The following FBRSL1 variants were observed in gnomAD, a reference collection of about 807,000 sequenced individuals.
FBRSL1 encodes the protein fibrosin-1-like protein.
FBRSL1 carries 51 observed loss-of-function variants against 89.6 expected under a neutral mutation model. The ratio of observed to expected loss-of-function variants is 0.57; its 90% CI spans 0.45 to 0.72. The LOEUF is 0.72. FBRSL1 is among the 30% of genes least tolerant of loss of function. The probability of loss-of-function intolerance (pLI) is 0.00; values close to 1 mark genes in which losing one functional copy is unlikely to be tolerated. For synonymous variants in FBRSL1, 779 were observed against 681.1 expected (o/e 1.14, Z -2.24); for missense variants, 1,618 against 1,451.8 (o/e 1.11, Z -1.86).
intron 4 of FBRSL1, among the ~76,000 whole-genome samples, chr12:132,528,350 C>T (rs567291204): frequency 7.0e-4 from 107 of 152,238 alleles, no homozygotes; most frequent in African/African-American, 2.3e-3. Flanking sequence ...GGGCCAAGGC[C>T]GGGCTGCTTC....
At chr12:132,564,580 C>A (rs2137721692) in intron 5 of FBRSL1, among the ~76,000 whole-genome samples, 1 of 143,124 alleles carries the variant, frequency 7.0e-6, no homozygotes, top group Non-Finnish European at 1.5e-5. Context: ...ACTGCAAGCT[C>A]CGCCTCCCGG....
intron 5 of FBRSL1, among the ~76,000 whole-genome samples, chr12:132,564,788 C>T (rs12818635): frequency 7.7e-6 from 1 of 130,646 alleles, no homozygotes; most frequent in Non-Finnish European, 1.6e-5. Context: ...CGCCACCACG[C>T]CCGGCTAATT....
At chr12:132,541,138 G>A (rs578154740) in intron 4 of FBRSL1, among the ~76,000 whole-genome samples, 4 of 151,384 alleles carry the variant, frequency 2.6e-5, no homozygotes, top group South Asian at 4.2e-4. Context: ...GGCATGTCAG[G>A]TGCAAATCCA....
chr12:132,501,546 C>G (rs55634548), intron 1 of FBRSL1, among the ~76,000 whole-genome samples: 2 of 152,192 alleles, frequency 1.3e-5, no homozygotes, highest in Non-Finnish European at 2.9e-5. Flanking sequence ...GGTGCCCTCA[C>G]TGCTGTCATG....
chr12:132,581,091 A>G (rs1593605871), intron 15 of FBRSL1: 3 of 985,474 alleles, frequency 3.0e-6, no homozygotes, highest in African/African-American at 1.7e-5. Context: ...GCTCTGAGAT[A>G]AAGGCTTCAG....
intron 2 of FBRSL1, 96 bp downstream of exon 2, chr12:132,508,446 C>A: frequency 7.4e-7 from 1 of 1,346,104 alleles, no homozygotes; most frequent in Non-Finnish European, 9.8e-7. Context: ...CACGTGGCCC[C>A]CGGGCCTGCC....
chr12:132,578,850 C>T (rs2040557121), intron 15 of FBRSL1, among the ~76,000 whole-genome samples: 1 of 152,260 alleles, frequency 6.6e-6, no homozygotes, highest in Non-Finnish European at 1.5e-5. Flanking sequence ...GCCCAGCAGC[C>T]ACATGAGGCT....
chr12:132,543,318 C>T (rs1277655382), intron 4 of FBRSL1, among the ~76,000 whole-genome samples: 4 of 152,222 alleles, frequency 2.6e-5, no homozygotes, highest in African/African-American at 9.6e-5. Context: ...TGTCCAGTGT[C>T]CACGAAGCAG....
chr12:132,501,292 G>A (rs956458354), intron 1 of FBRSL1, among the ~76,000 whole-genome samples: 1 of 152,214 alleles, frequency 6.6e-6, no homozygotes, highest in Non-Finnish European at 1.5e-5. Context: ...AGCTGGGGCC[G>A]AGCGGCGGCT....
intron 14 of FBRSL1, among the ~76,000 whole-genome samples, chr12:132,575,289 G>A (rs570307730): frequency 5.9e-5 from 9 of 152,294 alleles, no homozygotes; most frequent in African/African-American, 1.7e-4. Context: ...GTGCAGTGGC[G>A]CGATCTCGGC....
intron 2 of FBRSL1, chr12:132,510,854 A>T (rs2034250630): frequency 4.8e-6 from 5 of 1,051,858 alleles, no homozygotes; most frequent in Non-Finnish European, 4.6e-6. Flanking sequence ...GTGCCTCTGA[A>T]TTGCCAATAC....
In FBRSL1 at chr12:132,543,043, G is replaced by A. The variant is rs1222113810; in HGVS notation, c.616-4960G>A. Among the ~76,000 whole-genome samples the A allele has an allele frequency of 4.6e-5, 7 of 152,318 alleles. No homozygotes were observed. The Middle Eastern group carries it at 0.017, about 370-fold the overall frequency. On this transcript the variant is annotated intron_variant, in intron 4 of 18. Transcript: ENST00000680143. ...AAGCCCCCTCCAGGCTCTTCGGGTA[G>A]CAAGGGTGCACTGCCTGGCTGTGGG...
At chr12:132,511,412 C>T (rs1306927209) in intron 2 of FBRSL1, 2 of 985,858 alleles carry the variant, frequency 2.0e-6, no homozygotes, top group Admixed American at 6.1e-5. Context: ...TTCCACGGCC[C>T]CCACCTGTGG....
Position 132,583,579 on chromosome 12 carries a change from C to G in FBRSL1, c.2810C>G (p.Ala937Gly). ...CACTTCCCGCGCCTCTCGCCCGCCGCGCTGCACAATGGGCTCCTGGCGCGG... is the reference window on the plus strand; with the variant it reads ...CACTTCCCGCGCCTCTCGCCCGCCGGGCTGCACAATGGGCTCCTGGCGCGG... ...ALHFPRLSPA[A>G]LHNGLLARTP... is the part of the protein sequence containing the mutation. Residue 937 changes from alanine (A) to glycine (G), a missense_variant, in exon 19 of 19, where the codon GCG (alanine) becomes GGG (glycine). Physicochemically the swap from Ala to Gly is moderately conservative, Grantham distance 60. Coordinates refer to ENST00000680143, the MANE Select transcript of FBRSL1 (RefSeq NM_001367871.1). 9.9e-7 allele frequency: 1 copy of G among 1,010,336 alleles called. No individual in the cohort carries two copies. The highest frequency in any genetic ancestry group is 3.8e-5 in the South Asian group (1 of 26,328). 62.6% of individuals were successfully genotyped at this position (1,010,336 alleles called of 1,614,324 possible).
chr12:132,572,895 A>G (rs1043755600), intron 11 of FBRSL1, among the ~76,000 whole-genome samples: 1 of 152,202 alleles, frequency 6.6e-6, no homozygotes, highest in Admixed American at 6.5e-5. Context: ...GAAGCCTCGA[A>G]GGAGAACATT....
At chr12:132,551,892 G>A (rs973811658) in intron 5 of FBRSL1, 4 of 289,838 alleles carry the variant, frequency 1.4e-5, no homozygotes, top group Non-Finnish European at 2.8e-5. Context: ...AGGTGGTGGT[G>A]GCCTCGCTCC....
intron 5 of FBRSL1, chr12:132,565,102 C>T (rs1303958867): frequency 6.6e-6 from 1 of 152,242 alleles, no homozygotes; most frequent in African/African-American, 2.4e-5. Context: ...GTCAGATGCC[C>T]CCCGCCCTGG....
intron 2 of FBRSL1, chr12:132,510,498 T>C: frequency 8.1e-7 from 1 of 1,232,016 alleles, no homozygotes. Flanking sequence ...CAGTGTGATC[T>C]GCACCCTGGC....
At chr12:132,578,056 G>T (rs905504002) in intron 15 of FBRSL1, among the ~76,000 whole-genome samples, 1 of 152,216 alleles carries the variant, frequency 6.6e-6, no homozygotes, top group African/African-American at 2.4e-5. Context: ...TGACTCCCCC[G>T]AAACTTAGCC....
Sources: gnomAD v4.1 joint callset for allele counts (sites outside exome capture counted in the v4.1 genomes callset) on GRCh38, gnomAD v4.1.1 for gene constraint, MANE v1.5 for transcripts, NCBI Gene and HGNC (gene_info 2026-07-23, HGNC 2026-07-21) for gene names.